The following SAMD12 variants were observed in gnomAD, a reference collection of about 807,000 sequenced individuals.
SAMD12 encodes sterile alpha motif domain containing 12, also known as sterile alpha motif domain-containing protein 12.
Under a neutral mutation model 15.0 loss-of-function variants are expected in SAMD12, and 9 were observed. That is an observed-to-expected ratio of 0.60 (90% CI 0.36 to 1.05). The LOEUF (loss-of-function observed/expected upper bound fraction) is 1.05. Ranked by LOEUF, SAMD12 falls within the 50% of genes least tolerant of loss-of-function variation. The probability of loss-of-function intolerance (pLI) is 0.01; values close to 1 mark genes in which losing one functional copy is unlikely to be tolerated. For synonymous variants in SAMD12, 86 were observed against 90.1 expected, an observed-to-expected ratio of 0.96 and a Z score of 0.25; for missense variants, 230 against 234.2, an observed-to-expected ratio of 0.98 and a Z score of 0.12.
chr8:118,614,541 C>G (rs1031108239), intron 1 of SAMD12, among the ~76,000 whole-genome samples: 1 of 152,204 alleles, frequency 6.6e-6, no homozygotes, highest in Non-Finnish European at 1.5e-5. Context: ...TACCCCAGGT[C>G]TCAAGGGCAG....
chr8:118,160,278 G>A, the SAMD12 span, among the ~76,000 whole-genome samples: 1 of 152,184 alleles, frequency 6.6e-6, no homozygotes, highest in Non-Finnish European at 1.5e-5. Flanking sequence ...TATGTCCATG[G>A]ATCTGAAGAC....
chr8:118,475,359 C>A (rs1358992841), intron 2 of SAMD12, among the ~76,000 whole-genome samples: 1 of 152,194 alleles, frequency 6.6e-6, no homozygotes, highest in Non-Finnish European at 1.5e-5. Context: ...TGAGTGGAAG[C>A]AGCTTGTGGC....
intron 2 of SAMD12, among the ~76,000 whole-genome samples, chr8:118,474,546 A>AT (rs113662358): frequency 0.014 from 1,943 of 134,776 alleles, 11 homozygotes; most frequent in African/African-American, 0.024. Context: ...ATGCCCAGCT[A>AT]TTTTTTTTTT....
chr8:118,163,847 C>A, the SAMD12 span, among the ~76,000 whole-genome samples: 5 of 150,360 alleles, frequency 3.3e-5, no homozygotes, highest in Non-Finnish European at 5.9e-5. Context: ...TGCCCTCCAG[C>A]CTGGGAGACA....
At chr8:118,558,135 G>A (rs936823333) in intron 2 of SAMD12, among the ~76,000 whole-genome samples, 1 of 152,072 alleles carries the variant, frequency 6.6e-6, no homozygotes, top group South Asian at 2.1e-4. Context: ...ACGCAAGTGG[G>A]ATCTCTAGGT....
intron 3 of SAMD12, among the ~76,000 whole-genome samples, chr8:118,382,342 T>A (rs1330987478): frequency 6.6e-6 from 1 of 152,172 alleles, no homozygotes; most frequent in Non-Finnish European, 1.5e-5. Context: ...GGCTGGGCCA[T>A]CGTTAGAACA....
chr8:118,275,800 A>G (rs1260603146), intron 4 of SAMD12, among the ~76,000 whole-genome samples: 2 of 152,156 alleles, frequency 1.3e-5, no homozygotes, highest in African/African-American at 4.8e-5. Context: ...TGGAAGTGAG[A>G]GCATGTGATA....
At chr8:118,541,716 CATT>C (rs1338186650) in intron 2 of SAMD12, among the ~76,000 whole-genome samples, 2 of 152,128 alleles carry the variant, frequency 1.3e-5, no homozygotes, top group Non-Finnish European at 2.9e-5. Flanking sequence ...AAAAATTTTA[CATT>C]ATTTTATAAT....
intron 4 of SAMD12, among the ~76,000 whole-genome samples, chr8:118,340,917 G>A (rs771324508): frequency 3.3e-5 from 5 of 152,146 alleles, no homozygotes; most frequent in African/African-American, 4.8e-5. Flanking sequence ...AGAACAGAGC[G>A]CACTGGAAAG....
At chr8:118,474,112 C>A (rs1823888896) in intron 2 of SAMD12, among the ~76,000 whole-genome samples, 2 of 152,030 alleles carry the variant, frequency 1.3e-5, no homozygotes, top group Non-Finnish European at 1.5e-5. Context: ...GCACGCACCA[C>A]CCCATGCTCA....
intron 2 of SAMD12, among the ~76,000 whole-genome samples, chr8:118,456,548 C>T (rs896685248): frequency 2.6e-5 from 4 of 152,160 alleles, no homozygotes; most frequent in Admixed American, 1.3e-4. Flanking sequence ...ATTCTAGAAG[C>T]GAGAGTACAG....
intron 4 of SAMD12, among the ~76,000 whole-genome samples, chr8:118,277,190 A>G (rs1813495165): frequency 6.6e-6 from 1 of 152,196 alleles, no homozygotes; most frequent in African/African-American, 2.4e-5. Flanking sequence ...TCAATCTGCT[A>G]TTCCACTCAC....
chr8:118,199,767 T>G (rs935849392), intron 4 of SAMD12, among the ~76,000 whole-genome samples: 1 of 152,190 alleles, frequency 6.6e-6, no homozygotes, highest in Non-Finnish European at 1.5e-5. Flanking sequence ...CTTTCCCTTA[T>G]CATTGCCCAA....
chr8:118,357,372 G>T (rs1379374496), intron 4 of SAMD12, among the ~76,000 whole-genome samples: 1 of 152,016 alleles, frequency 6.6e-6, no homozygotes, highest in Non-Finnish European at 1.5e-5. Context: ...TGAGTAGCTG[G>T]GATTACAGGT....
chr8:118,352,095 C>T (rs942487303), intron 4 of SAMD12, among the ~76,000 whole-genome samples: 3 of 152,188 alleles, frequency 2.0e-5, no homozygotes, highest in Non-Finnish European at 4.4e-5. Flanking sequence ...TCCTTACATG[C>T]GTTTAACACT....
chr8:118,502,445 A>G (rs1468121336), intron 2 of SAMD12, among the ~76,000 whole-genome samples: 3 of 152,216 alleles, frequency 2.0e-5, no homozygotes, highest in Admixed American at 2.0e-4. Context: ...AGACAAAAAA[A>G]AATCATTTAC....
intron 2 of SAMD12, among the ~76,000 whole-genome samples, chr8:118,569,017 T>C (rs116746039): frequency 2.4e-4 from 36 of 152,340 alleles, no homozygotes; most frequent in African/African-American, 8.7e-4. Flanking sequence ...TATTCTTGTA[T>C]ACTAAGATAT....
intron 2 of SAMD12, among the ~76,000 whole-genome samples, chr8:118,549,247 G>C (rs1345898269): frequency 2.6e-5 from 4 of 152,204 alleles, no homozygotes; most frequent in Non-Finnish European, 5.9e-5. Flanking sequence ...CCTGACCCCT[G>C]ACCCCCGAGC....
At chr8:118,548,423 A>ACACACACC (rs1491292990) in intron 2 of SAMD12, among the ~76,000 whole-genome samples, 10 of 125,260 alleles carry the variant, frequency 8.0e-5, no homozygotes, top group South Asian at 2.4e-4. Context: ...ACACACACAC[A>ACACACACC]CCCCATGTGA....
Sources: gnomAD v4.1 joint callset for allele counts (sites outside exome capture counted in the v4.1 genomes callset) on GRCh38, gnomAD v4.1.1 for gene constraint, MANE v1.5 for transcripts, NCBI Gene and HGNC (gene_info 2026-07-23, HGNC 2026-07-21) for gene names.